Variants in LRRC31 observed in about 807,000 individuals in gnomAD.
LRRC31 encodes leucine rich repeat containing 31.
In LRRC31, 35 loss-of-function variants were observed where a neutral mutation model predicts 46.7. The observed-to-expected ratio is 0.75, with a 90% CI of 0.57 to 0.99. The LOEUF (loss-of-function observed/expected upper bound fraction) is 0.99. Ranked by LOEUF, LRRC31 falls within the 50% of genes least tolerant of loss-of-function variation. The probability of loss-of-function intolerance (pLI) is 0.00; values close to 1 mark genes in which losing one functional copy is unlikely to be tolerated. For synonymous variants in LRRC31, 236 were observed against 235.1 expected (o/e 1.00, Z -0.03); for missense variants, 613 against 626.1 (o/e 0.98, Z 0.22).
chr3:169,844,601 A>G (rs932407565), intron 8 of LRRC31, among the ~76,000 whole-genome samples: 10 of 152,212 alleles, frequency 6.6e-5, no homozygotes, highest in Admixed American at 5.2e-4. Flanking sequence ...CTAAATAACC[A>G]AGAAAAAGAA....
In LRRC31 at chr3:169,861,695, T is replaced by C. The variant is rs1781165565; in HGVS notation, c.294A>G (p.Leu98=). 6.2e-7 allele frequency: 1 copy of C among 1,614,028 alleles called. No homozygotes were observed. Among genetic ancestry groups the C allele is most frequent in the Admixed American group, 1.7e-5 (1 of 59,996 alleles). Residue 98 remains leucine, a synonymous_variant, in exon 2 of 9, where the codon TTA becomes TTG. Transcript: ENST00000316428. The part of the protein sequence containing the change: ...NKCLDLNNCG[L]TTADMKEMVA... ...CCATTTCTTTCATGTCCGCTGTTGT[T>C]AATCCACAGTTATTCAAATCTAGAC...
intron 8 of LRRC31, among the ~76,000 whole-genome samples, chr3:169,842,744 G>T (rs560869590): frequency 3.3e-5 from 5 of 151,908 alleles, no homozygotes; most frequent in African/African-American, 1.2e-4. Context: ...AAAACTGTCA[G>T]TAAAAATTAA....
intron 7 of LRRC31, among the ~76,000 whole-genome samples, chr3:169,850,608 C>T (rs1315256016): frequency 5.3e-5 from 8 of 152,202 alleles, no homozygotes. Flanking sequence ...CTGCCTCTGG[C>T]TCTTATGACC....
chr3:169,867,277 T>G (rs1365831272), intron 1 of LRRC31, among the ~76,000 whole-genome samples: 16 of 129,972 alleles, frequency 1.2e-4, no homozygotes, highest in African/African-American at 4.3e-4. Flanking sequence ...TGAGACAGAG[T>G]CTTGCTCTGT....
At chr3:169,867,642 G>A (rs1245130165) in intron 1 of LRRC31, among the ~76,000 whole-genome samples, 1 of 152,060 alleles carries the variant, frequency 6.6e-6, no homozygotes, top group Non-Finnish European at 1.5e-5. Flanking sequence ...CAAAGTGCTG[G>A]GATTACAGGC....
At chr3:169,847,524 C>T (rs1780642227) in intron 8 of LRRC31, among the ~76,000 whole-genome samples, 1 of 152,190 alleles carries the variant, frequency 6.6e-6, no homozygotes, top group African/African-American at 2.4e-5. Flanking sequence ...TAGCCTCAAT[C>T]CCACAGTGCA....
intron 8 of LRRC31, 52 bp downstream of exon 8, chr3:169,848,068 C>G: frequency 3.2e-6 from 5 of 1,557,622 alleles, no homozygotes; most frequent in South Asian, 1.2e-5. Flanking sequence ...TTGCAGGGGC[C>G]GCACCCACTG....
At chr3:169,852,093 A>T (rs1281897665) in intron 6 of LRRC31, among the ~76,000 whole-genome samples, 1 of 151,842 alleles carries the variant, frequency 6.6e-6, no homozygotes, top group African/African-American at 2.4e-5. Context: ...AGCCTTCTCA[A>T]CTCTAATACT....
chr3:169,857,891 G>A (rs1457919719), intron 3 of LRRC31, among the ~76,000 whole-genome samples: 6 of 152,092 alleles, frequency 3.9e-5, no homozygotes, highest in Non-Finnish European at 8.8e-5. Flanking sequence ...TCTTAAGCCA[G>A]CAATGAACAG....
chr3:169,843,204 C>T (rs1043808686), intron 8 of LRRC31, among the ~76,000 whole-genome samples: 2 of 152,162 alleles, frequency 1.3e-5, no homozygotes, highest in African/African-American at 4.8e-5. Flanking sequence ...GTGAGAGGCA[C>T]GGACAATCCA....
intron 1 of LRRC31, among the ~76,000 whole-genome samples, chr3:169,862,546 A>C (rs1019883084): frequency 6.6e-6 from 1 of 151,084 alleles, no homozygotes; most frequent in East Asian, 2.0e-4. Flanking sequence ...GTGGATCATG[A>C]GGTCAGGAGA....
intron 8 of LRRC31, among the ~76,000 whole-genome samples, chr3:169,844,248 T>C (rs1467323043): frequency 6.6e-6 from 1 of 152,164 alleles, no homozygotes; most frequent in African/African-American, 2.4e-5. Flanking sequence ...ATAAACAAGA[T>C]AATACATAAT....
chr3:169,847,322 A>C (rs1453858024), intron 8 of LRRC31, among the ~76,000 whole-genome samples: 1 of 152,108 alleles, frequency 6.6e-6, no homozygotes, highest in Non-Finnish European at 1.5e-5. Context: ...AGTAGCTGGG[A>C]TTACAGGCAT....
rs545169004 is a variant in LRRC31, at chr3:169,867,748, C to T, written c.175+1885G>A. Among the ~76,000 whole-genome samples the T allele has an allele frequency of 2.0e-5, 3 of 152,272 alleles. No homozygotes were observed. The East Asian group carries it at 5.8e-4, about 29-fold the overall frequency. On this transcript the variant is annotated intron_variant, in intron 1 of 8. Transcript: ENST00000316428. Reference sequence around the variant, plus strand: ...ATATGCTTAAAATGTTTTTAAAATGCTTTTAATCTAATAGATAATATATTG... The same window carrying T: ...ATATGCTTAAAATGTTTTTAAAATGTTTTTAATCTAATAGATAATATATTG...
intron 1 of LRRC31, among the ~76,000 whole-genome samples, chr3:169,866,036 A>T (rs149481121): frequency 6.6e-6 from 1 of 152,160 alleles, no homozygotes; most frequent in Non-Finnish European, 1.5e-5. Flanking sequence ...ATGAAGAGAT[A>T]TCCAATATCC....
At chr3:169,864,942 T>G (rs2108229145) in intron 1 of LRRC31, among the ~76,000 whole-genome samples, 1 of 152,220 alleles carries the variant, frequency 6.6e-6, no homozygotes, top group East Asian at 1.9e-4. Context: ...CCAGGCGTAC[T>G]GGCATGCACC....
chr3:169,860,588 G>T lies in LRRC31; in HGVS notation c.460C>A (p.Leu154Ile). 1.9e-6 allele frequency: 3 copies of T among 1,614,144 alleles called. No homozygotes were observed. The highest frequency in any genetic ancestry group is 2.5e-6 in the Non-Finnish European group (3 of 1,180,006). The change falls in exon 3 of 9, where the codon CTC becomes ATC. Residue 154 changes from leucine to isoleucine, a missense_variant. By Grantham distance (5) the Leu-to-Ile change is conservative. Transcript: ENST00000316428. Reference sequence around the variant, plus strand: ...AGTGCTTGAACATCGTCAGTGGTGAGTCTGCAGCTACCCAGCCTCAAGATT... The same window carrying T: ...AGTGCTTGAACATCGTCAGTGGTGATTCTGCAGCTACCCAGCCTCAAGATT... ...LKILRLGSCRLTTDDVQALGE... is the reference protein window; with the variant it reads ...LKILRLGSCRITTDDVQALGE...
At position 169,856,820 on chromosome 3, in the gene LRRC31, G is replaced by A. The variant is rs777100087; in HGVS notation, c.540C>T (p.Asn180=). The change falls in exon 4 of 9, where the codon AAC becomes AAT. Residue 180 remains asparagine, a synonymous_variant. Transcript: ENST00000316428. ...GAGGCAAATTTCCTCCCACTTTACT[G>A]TTCCAAGACAAATTTAGCTCTTCAA... ...PELEELNLSW[N]SKVGGNLPLI... is the part of the protein sequence containing the mutation. The A allele has an allele frequency of 6.2e-7, 1 of 1,609,294 alleles. No homozygotes were observed. The highest frequency in any genetic ancestry group is 8.5e-7 in the Non-Finnish European group (1 of 1,177,910).
At position 169,856,351 on chromosome 3, in the gene LRRC31, T is replaced by G; in HGVS notation, c.808A>C (p.Ser270Arg). The change falls in exon 5 of 9, where the codon AGT becomes CGT. Residue 270 changes from serine to arginine, a missense_variant. Physicochemically the swap from Ser to Arg is moderately radical, Grantham distance 110. Transcript: ENST00000316428. ...KLHSCGLSQK[S>R]VKILDAAFRY... ...GTTAACTCACCCAATATTTTGACACTCTTTTGTGATAATCCACATGAATGT... is the reference window on the plus strand; with the variant it reads ...GTTAACTCACCCAATATTTTGACACGCTTTTGTGATAATCCACATGAATGT... 1.3e-6 allele frequency: 2 copies of G among 1,576,384 alleles called. No homozygotes were observed. Among genetic ancestry groups the G allele is most frequent in the Non-Finnish European group, 1.7e-6 (2 of 1,161,374 alleles).
Sources: allele counts gnomAD v4.1 joint callset (sites outside exome capture counted in the v4.1 genomes callset), GRCh38; gene constraint gnomAD v4.1.1; transcripts MANE v1.5; gene names NCBI Gene and HGNC (gene_info 2026-07-23, HGNC 2026-07-21).